The following LIFR variants were observed in gnomAD, a reference collection of about 807,000 sequenced individuals.
LIFR encodes leukemia inhibitory factor receptor.
Under a neutral mutation model 122.2 loss-of-function variants are expected in LIFR, and 84 were observed. The ratio of observed to expected loss-of-function variants is 0.69; its 90% CI spans 0.58 to 0.82. The LOEUF is 0.82. Ranked by LOEUF, LIFR falls within the 40% of genes least tolerant of loss-of-function variation. The probability of loss-of-function intolerance (pLI) is 0.00; values close to 1 mark genes in which losing one functional copy is unlikely to be tolerated. For synonymous variants in LIFR, 422 were observed against 434.7 expected, an observed-to-expected ratio of 0.97 and a Z score of 0.36; for missense variants, 1,294 against 1,311.6, an observed-to-expected ratio of 0.99 and a Z score of 0.21.
At position 38,481,620 on chromosome 5, in the gene LIFR, A is replaced by C. The variant is rs757874049; in HGVS notation, c.3269T>G (p.Phe1090Cys). 9.3e-6 allele frequency: 15 copies of C among 1,613,988 alleles called. No individual in the cohort carries two copies. Among genetic ancestry groups the C allele is most frequent in the Admixed American group, 3.3e-5 (2 of 59,994 alleles). ...TTAATCGTTTGGTTTGTTCTGAAAA[A>C]AGTTTGTAAAGGACCACCCTCCTCC... ...SNGGGWSFTN[F>C]FQNKPND The change falls in exon 20 of 20, where the codon TTT becomes TGT. Residue 1090 changes from phenylalanine to cysteine, a missense_variant. By Grantham distance (205) the Phe-to-Cys change is radical (BLOSUM62 -2). Transcript: ENST00000453190.
exon 1 of LIFR, chr5:38,608,257 G>T (rs1750372553): frequency 3.3e-5 from 5 of 151,882 alleles, no homozygotes; most frequent in African/African-American, 1.2e-4. Context: ...ATGTTCTTTG[G>T]GTTTCCTGCT....
At chr5:38,529,693 C>T (rs1044977283) in intron 2 of LIFR, among the ~76,000 whole-genome samples, 7 of 151,920 alleles carry the variant, frequency 4.6e-5, no homozygotes, top group Admixed American at 3.9e-4. Flanking sequence ...GAAAAGGCAA[C>T]TATAGAATAA....
At position 38,510,577 on chromosome 5, in the gene LIFR, T is replaced by C. The variant is rs1745743183; in HGVS notation, c.878A>G (p.Asp293Gly). The C allele has an allele frequency of 6.2e-7, 1 of 1,614,030 alleles. No homozygotes were observed. Among genetic ancestry groups the C allele is most frequent in the Non-Finnish European group, 8.5e-7 (1 of 1,179,956 alleles). ...AATCTTGATTGCAACATTTTCCCCATCAAGATGGATCAAGGGGCAGTTTGT... is the reference window on the plus strand; with the variant it reads ...AATCTTGATTGCAACATTTTCCCCACCAAGATGGATCAAGGGGCAGTTTGT... Reference protein sequence around the residue: ...GHTNCPLIHLDGENVAIKIRN... With the variant: ...GHTNCPLIHLGGENVAIKIRN... Residue 293 changes from aspartate to glycine, a missense_variant, in exon 7 of 20, where the codon GAT becomes GGT. Asp to Gly is a moderately conservative substitution (Grantham distance 94). Transcript: ENST00000453190.
rs1743873335 is a variant in LIFR, at chr5:38,479,429, A to G, written c.*2166T>C. The G allele has an allele frequency of 4.3e-6, 1 of 230,016 alleles. No individual in the cohort carries two copies. Among genetic ancestry groups the G allele is most frequent in the African/African-American group, 2.2e-5 (1 of 45,182 alleles). The allele number at this position is 230,016 out of a possible 1,614,324, so 14.2% of individuals were successfully genotyped here. A position where few individuals can be genotyped will look rare whatever the true frequency, so the allele number is the denominator to read the frequency against. ...GAAAGGACTTAAGAGCCCCAGTGAT[A>G]TTCATCATTAACCAAACAAATGAGT... On this transcript the variant is annotated 3_prime_UTR_variant, in exon 20 of 20. Transcript: ENST00000453190.
intron 7 of LIFR, 39 bp downstream of exon 7, chr5:38,510,425 A>G (rs764041762): frequency 6.2e-7 from 1 of 1,600,428 alleles, no homozygotes; most frequent in Admixed American, 1.7e-5. Flanking sequence ...AGACCAAAAC[A>G]GGTTAATAGG....
intron 18 of LIFR, among the ~76,000 whole-genome samples, chr5:38,484,304 G>A (rs1561130695): frequency 6.6e-6 from 1 of 152,122 alleles, no homozygotes; most frequent in Non-Finnish European, 1.5e-5. Context: ...CCCACACTGT[G>A]CTCCAAGTCT....
chr5:38,545,348 A>G (rs1561195624), intron 1 of LIFR, among the ~76,000 whole-genome samples: 1 of 150,704 alleles, frequency 6.6e-6, no homozygotes, highest in African/African-American at 2.5e-5. Flanking sequence ...AGACATAAAT[A>G]TATGTGTGTG....
chr5:38,595,908 G>C (rs925457588), upstream of LIFR, among the ~76,000 whole-genome samples: 3 of 150,544 alleles, frequency 2.0e-5, no homozygotes, highest in African/African-American at 7.3e-5. Context: ...TAATTTTTTT[G>C]CATTTTTTCA....
intron 13 of LIFR, among the ~76,000 whole-genome samples, chr5:38,494,454 AAGGG>A (rs1744770020): frequency 6.6e-6 from 1 of 151,740 alleles, no homozygotes; most frequent in African/African-American, 2.4e-5. Context: ...ACCAAGGGGC[AAGGG>A]GCAAGGGGCA....
chr5:38,583,636 G>C (rs1192585435), intron 1 of LIFR, among the ~76,000 whole-genome samples: 1 of 152,028 alleles, frequency 6.6e-6, no homozygotes, highest in Non-Finnish European at 1.5e-5. Flanking sequence ...TTTAAAAAGG[G>C]GTAAAGAAGC....
At position 38,580,088 on chromosome 5, in the gene LIFR, A is replaced by G. The variant is rs114884111; in HGVS notation, c.-20+15173T>C. ...GAATCTGTCATTTTAGAAGTTCATAAATAAGTTCTGCAGTTATAAATTAGT... is the reference window on the plus strand; with the variant it reads ...GAATCTGTCATTTTAGAAGTTCATAGATAAGTTCTGCAGTTATAAATTAGT... On this transcript the variant is annotated intron_variant, in intron 1 of 19. Transcript: ENST00000263409. Among the ~76,000 whole-genome samples the G allele has an allele frequency of 8.2e-3, 1,255 of 152,318 alleles. 7 individuals are homozygous for G. Among genetic ancestry groups the G allele is most frequent in the Non-Finnish European group, 0.013 (908 of 68,028 alleles).
chr5:38,575,438 C>T (rs902263428), intron 1 of LIFR, among the ~76,000 whole-genome samples: 4 of 152,136 alleles, frequency 2.6e-5, no homozygotes, highest in African/African-American at 9.7e-5. Context: ...CTGTTTGTTT[C>T]TGATTACTTC....
rs1441672600 is a variant in LIFR, at chr5:38,478,731, G to T, written c.*2864C>A. The T allele has an allele frequency of 4.7e-6, 1 of 213,422 alleles. No individual in the cohort carries two copies. Among genetic ancestry groups the T allele is most frequent in the East Asian group, 7.0e-5 (1 of 14,334 alleles). 13.2% of individuals were successfully genotyped at this position (213,422 alleles called of 1,614,324 possible). ...AACTGGCTTGTAAGTGAATTGACTTGTAAGAGAGGTAAAAATGTGTCTTAC... is the reference window on the plus strand; with the variant it reads ...AACTGGCTTGTAAGTGAATTGACTTTTAAGAGAGGTAAAAATGTGTCTTAC... On this transcript the variant is annotated 3_prime_UTR_variant, in exon 20 of 20. Transcript: ENST00000453190.
chr5:38,570,246 T>G (rs1201218611), intron 1 of LIFR, among the ~76,000 whole-genome samples: 1 of 152,216 alleles, frequency 6.6e-6, no homozygotes, highest in African/African-American at 2.4e-5. Flanking sequence ...TGCTATTTAA[T>G]AAGTACATGT....
At position 38,523,474 on chromosome 5, in the gene LIFR, T is replaced by G. The variant is rs780922119; in HGVS notation, c.506A>C (p.Asn169Thr). The G allele has an allele frequency of 6.2e-7, 1 of 1,613,614 alleles. No individual in the cohort carries two copies. The highest frequency in any genetic ancestry group is 8.5e-7 in the Non-Finnish European group (1 of 1,179,742). Reference sequence around the variant, plus strand: ...TAGAACTTTAATTTCCCAGATAACATTTGAGCGGTGTGGAAAAACTGAACC... The same window carrying G: ...TAGAACTTTAATTTCCCAGATAACAGTTGAGCGGTGTGGAAAAACTGAACC... ...DRGSVFPHRS[N>T]VIWEIKVLRK... Residue 169 changes from asparagine to threonine, a missense_variant, in exon 5 of 20, where the codon AAT (asparagine) becomes ACT (threonine). Physicochemically the swap from Asn to Thr is moderately conservative, Grantham distance 65 (BLOSUM62 0). Transcript: ENST00000453190.
intron 6 of LIFR, among the ~76,000 whole-genome samples, chr5:38,510,973 AG>A (rs1745771053): frequency 6.6e-6 from 1 of 152,198 alleles, no homozygotes; most frequent in Admixed American, 6.5e-5. Flanking sequence ...GATAATGGTG[AG>A]GAAGCAGAAG....
chr5:38,595,796 G>C (rs1472882207), upstream of LIFR, among the ~76,000 whole-genome samples: 1 of 137,498 alleles, frequency 7.3e-6, no homozygotes, highest in Admixed American at 8.1e-5. Context: ...GCAGCGGCTC[G>C]ATCTCGGCTC....
intron 1 of LIFR, among the ~76,000 whole-genome samples, chr5:38,553,622 CTATATATATATATATA>C (rs66547796): frequency 0.012 from 486 of 41,614 alleles, 7 homozygotes; most frequent in Non-Finnish European, 0.014. Flanking sequence ...ACCATTTAAA[CTATATATATATATATA>C]TATATATATA....
upstream of LIFR, among the ~76,000 whole-genome samples, chr5:38,560,173 A>C (rs1308507873): frequency 6.9e-6 from 1 of 145,522 alleles, no homozygotes; most frequent in African/African-American, 2.5e-5. Flanking sequence ...TTTTGGAAGC[A>C]AAAAAAAAAA....
Sources: allele counts gnomAD v4.1 joint callset (sites outside exome capture counted in the v4.1 genomes callset), GRCh38; gene constraint gnomAD v4.1.1; transcripts MANE v1.5; gene names NCBI Gene and HGNC (gene_info 2026-07-23, HGNC 2026-07-21).